The following ABCB1 variants were observed in gnomAD, a reference collection of about 807,000 sequenced individuals.
ABCB1 encodes the protein ATP-dependent translocase ABCB1.
A neutral mutation model predicts 142.0 loss-of-function variants in ABCB1; 69 were observed. That is an observed-to-expected ratio of 0.49 (90% CI 0.40 to 0.59). ABCB1 has a LOEUF of 0.59. Among genes scored for constraint, ABCB1 ranks in the 20% least tolerant of loss-of-function variants. The pLI is 0.00. For missense variants in ABCB1, 1,326 were observed against 1,554.7 expected (o/e 0.85, Z 2.47); for synonymous variants, 532 against 539.2 (o/e 0.99, Z 0.18).
chr7:87,640,149 C>T (rs896260541), intron 1 of ABCB1, among the ~76,000 whole-genome samples: 16 of 149,472 alleles, frequency 1.1e-4, no homozygotes, highest in African/African-American at 3.9e-4. Flanking sequence ...GTGTTAGAAC[C>T]ATTTATTCCC....
At chr7:87,657,547 C>T (rs1182439181) in intron 1 of ABCB1, among the ~76,000 whole-genome samples, 1 of 152,288 alleles carries the variant, frequency 6.6e-6, no homozygotes, top group Non-Finnish European at 1.5e-5. Flanking sequence ...GATTTCTTCC[C>T]TCTTGGCTGG....
At chr7:87,504,726 A>T (rs1420048606) in intron 27 of ABCB1, among the ~76,000 whole-genome samples, 2 of 150,734 alleles carry the variant, frequency 1.3e-5, no homozygotes, top group African/African-American at 2.4e-5. Flanking sequence ...AATGGTGTGA[A>T]CCCGGGAGGC....
chr7:87,673,190 A>G (rs1188506087), intron 1 of ABCB1, among the ~76,000 whole-genome samples: 2 of 152,076 alleles, frequency 1.3e-5, no homozygotes, highest in African/African-American at 2.4e-5. Flanking sequence ...ATGACTATAT[A>G]TGTCTTAGGG....
intron 1 of ABCB1, among the ~76,000 whole-genome samples, chr7:87,612,807 G>A (rs2130059866): frequency 6.6e-6 from 1 of 152,116 alleles, no homozygotes; most frequent in East Asian, 1.9e-4. Flanking sequence ...AAGTGATGTT[G>A]GTATTTTGAT....
intron 16 of ABCB1, among the ~76,000 whole-genome samples, chr7:87,544,477 C>T (rs1468513952): frequency 6.6e-6 from 1 of 152,104 alleles, no homozygotes; most frequent in East Asian, 1.9e-4. Flanking sequence ...CTACAATACT[C>T]CTTTATTTTT....
At chr7:87,638,900 C>A (rs1485734671) in intron 1 of ABCB1, among the ~76,000 whole-genome samples, 12 of 152,098 alleles carry the variant, frequency 7.9e-5, no homozygotes, top group Admixed American at 7.9e-4. Flanking sequence ...CACCTGTAAT[C>A]CCAGCACTTT....
At chr7:87,590,834 A>G (rs532715003) in intron 3 of ABCB1, among the ~76,000 whole-genome samples, 1 of 152,204 alleles carries the variant, frequency 6.6e-6, no homozygotes, top group South Asian at 2.1e-4. Flanking sequence ...GGTAGGGACC[A>G]AGGTGATATG....
intron 1 of ABCB1, among the ~76,000 whole-genome samples, chr7:87,712,528 C>T (rs984715076): frequency 6.6e-6 from 1 of 151,922 alleles, no homozygotes; most frequent in African/African-American, 2.4e-5. Flanking sequence ...ATAGTCTTTT[C>T]CAAATAGAAA....
chr7:87,558,241 T>C (rs2129759150), intron 8 of ABCB1, among the ~76,000 whole-genome samples: 1 of 152,326 alleles, frequency 6.6e-6, no homozygotes. Context: ...TCAATCCAGA[T>C]CCATAGCAAA....
rs2235016 is a variant in ABCB1 at position 87,570,096 on chromosome 7, A to C, written c.338+76T>G. On this transcript the variant is annotated intron_variant, in intron 5 of 27. Transcript: ENST00000622132. ...TCTCCTTAAAATTTCTGTGATGATA[A>C]TGCAAAGTTTTAAACATTTCTACAA... 2.7e-3 allele frequency: 3,669 copies of C among 1,348,244 alleles called. 72 individuals are homozygous for C. In the East Asian group the frequency reaches 0.05, roughly 19 times the overall value. The allele number at this position is 1,348,244 out of a possible 1,614,324, so 83.5% of individuals were successfully genotyped here.
chr7:87,709,026 A>G (rs564552114), intron 1 of ABCB1, among the ~76,000 whole-genome samples: 3 of 152,290 alleles, frequency 2.0e-5, no homozygotes, highest in South Asian at 2.1e-4. Flanking sequence ...TCTTGGCCCA[A>G]ACAATCTTTA....
Position 87,516,584 on chromosome 7 carries a change from T to C in ABCB1, c.3009A>G (p.Ile1003Met). 1.2e-6 allele frequency: 2 copies of C among 1,614,228 alleles called. No homozygotes were observed. The highest frequency in any genetic ancestry group is 1.3e-5 in the African/African-American group (1 of 75,050). Reference sequence around the variant, plus strand: ...TGATCATGATGATGTGGGCTGCTGATATTTTGGCTTTGGCATAGTCAGGAG... The same window carrying C: ...TGATCATGATGATGTGGGCTGCTGACATTTTGGCTTTGGCATAGTCAGGAG... ...SFAPDYAKAKISAAHIIMIIE... is the reference protein window; with the variant it reads ...SFAPDYAKAKMSAAHIIMIIE... The change falls in exon 24 of 28, where the codon ATA becomes ATG. Residue 1003 changes from isoleucine to methionine, a missense_variant. Physicochemically the swap from Ile to Met is conservative, Grantham distance 10. Transcript: ENST00000622132.
intron 1 of ABCB1, among the ~76,000 whole-genome samples, chr7:87,612,654 G>A (rs550219407): frequency 2.6e-5 from 4 of 152,080 alleles, no homozygotes; most frequent in Admixed American, 6.5e-5. Flanking sequence ...TGCTGTTTTG[G>A]TTACTATAAT....
chr7:87,650,752 C>T (rs1237005560), intron 1 of ABCB1: 2 of 878,644 alleles, frequency 2.3e-6, no homozygotes, highest in Non-Finnish European at 3.8e-6. Context: ...AATTGCCTTC[C>T]TCCCATTTTT....
At chr7:87,698,805 G>A (rs28381729) in intron 1 of ABCB1, among the ~76,000 whole-genome samples, 1 of 152,180 alleles carries the variant, frequency 6.6e-6, no homozygotes, top group African/African-American at 2.4e-5. Flanking sequence ...GGAGAAGTAA[G>A]CACAGGGTCC....
At chr7:87,701,724 A>C (rs374493940) in intron 1 of ABCB1, among the ~76,000 whole-genome samples, 1 of 152,228 alleles carries the variant, frequency 6.6e-6, no homozygotes, top group African/African-American at 2.4e-5. Flanking sequence ...TTCCAACCAT[A>C]TATCTGTGTG....
intron 21 of ABCB1, among the ~76,000 whole-genome samples, chr7:87,524,480 A>G (rs1462282224): frequency 6.6e-6 from 1 of 152,156 alleles, no homozygotes; most frequent in Non-Finnish European, 1.5e-5. Flanking sequence ...AAACTATCGC[A>G]AGGACAAAAA....
intron 1 of ABCB1, among the ~76,000 whole-genome samples, chr7:87,673,635 C>T (rs1826047893): frequency 6.6e-6 from 1 of 152,156 alleles, no homozygotes; most frequent in South Asian, 2.1e-4. Context: ...CCTTAGATTC[C>T]TTGGATTGAG....
chr7:87,546,130 A>G, intron 14 of ABCB1, 106 bp from the exon 15 acceptor site: 1 of 1,102,736 alleles, frequency 9.1e-7, no homozygotes, highest in Non-Finnish European at 1.4e-6. Flanking sequence ...TTGTAAAACC[A>G]TCAAATCTAT....
Sources: gnomAD v4.1 joint callset for allele counts (sites outside exome capture counted in the v4.1 genomes callset) on GRCh38, gnomAD v4.1.1 for gene constraint, MANE v1.5 for transcripts, NCBI Gene and HGNC (gene_info 2026-07-23, HGNC 2026-07-21) for gene names.